The following C14orf132 variants were observed in gnomAD, a reference collection of about 807,000 sequenced individuals.
C14orf132 encodes chromosome 14 open reading frame 132.
A neutral mutation model predicts 5.8 loss-of-function variants in C14orf132; 6 were observed. The observed-to-expected ratio is 1.03, with a 90% CI of 0.57 to 2.04. C14orf132 has a LOEUF of 2.04. Ranked by LOEUF, C14orf132 falls within the 30% of genes most tolerant of loss-of-function variation. C14orf132 has a pLI of 0.00. For missense variants in C14orf132, 125 were observed against 115.8 expected (o/e 1.08, Z -0.37); for synonymous variants, 51 against 49.8 (o/e 1.02, Z -0.10).
chr14:96,082,770 G>A (rs538958036), intron 1 of C14orf132, among the ~76,000 whole-genome samples: 16 of 152,362 alleles, frequency 1.1e-4, no homozygotes, highest in African/African-American at 3.4e-4. Context: ...CTACAAGGAC[G>A]ACAGAGGGAA....
chr14:96,077,797 G>A (rs570293706), intron 1 of C14orf132, among the ~76,000 whole-genome samples: 28 of 152,336 alleles, frequency 1.8e-4, no homozygotes, highest in African/African-American at 6.0e-4. Flanking sequence ...GTTGCATGTC[G>A]TTTGGGTGTG....
intron 1 of C14orf132, among the ~76,000 whole-genome samples, chr14:96,071,705 A>G (rs1421240537): frequency 1.3e-5 from 2 of 152,098 alleles, no homozygotes; most frequent in Non-Finnish European, 2.9e-5. Context: ...GTGCCACTCA[A>G]CCTCGGGAAG....
rs1886638864 is a variant in C14orf132 at position 96,039,867 on chromosome 14, C to T, written c.27+340C>T. On this transcript the variant is annotated intron_variant, in intron 1 of 1. Coordinates refer to ENST00000555004, the MANE Select transcript of C14orf132 (RefSeq NM_001252507.3). The surrounding 1 kb of genome is among the most constrained non-coding windows in gnomAD (Gnocchi z 5.3). The stretch of plus-strand genomic sequence containing the variant: ...CTGTCCCCCTTCTGGGGTCCCGGAG[C>T]CCTCCAAGGCCGGGCCAGCTCAGAC... 6.6e-6 allele frequency among the ~76,000 whole-genome samples: 1 copy of T among 152,116 alleles called. No individual in the cohort carries two copies. Among genetic ancestry groups the T allele is most frequent in the Non-Finnish European group, 1.5e-5 (1 of 67,984 alleles).
intron 1 of C14orf132, among the ~76,000 whole-genome samples, chr14:96,048,616 C>A (rs373830090): frequency 1.3e-5 from 2 of 152,052 alleles, no homozygotes; most frequent in African/African-American, 2.4e-5. Flanking sequence ...TCTCTGCCCC[C>A]CCGGGTTCAA....
intron 1 of C14orf132, among the ~76,000 whole-genome samples, chr14:96,077,381 T>G (rs530765471): frequency 3.2e-4 from 49 of 152,032 alleles, no homozygotes; most frequent in African/African-American, 1.1e-3. Context: ...TAGACATGAG[T>G]GTATTTGGAG....
rs947749766 is a variant in C14orf132, at chr14:96,090,517, G to A, written c.*3782G>A. ...GCTGTAGCCAGGCCTGTCTTAAGAGGACTTGTGCTTCCAGGGACCCAGGCA... is the reference window on the plus strand; with the variant it reads ...GCTGTAGCCAGGCCTGTCTTAAGAGAACTTGTGCTTCCAGGGACCCAGGCA... On this transcript the variant is annotated 3_prime_UTR_variant, in exon 2 of 2. Coordinates refer to ENST00000555004, the MANE Select transcript of C14orf132 (RefSeq NM_001252507.3). The A allele has an allele frequency of 2.3e-6, 1 of 435,940 alleles. No individual in the cohort carries two copies. Among genetic ancestry groups the A allele is most frequent in the African/African-American group, 2.0e-5 (1 of 49,718 alleles). The allele number at this position is 435,940 out of a possible 1,614,324, so 27.0% of individuals were successfully genotyped here.
chr14:96,048,777 C>T (rs71415022), intron 1 of C14orf132, among the ~76,000 whole-genome samples: 8 of 152,096 alleles, frequency 5.3e-5, no homozygotes, highest in East Asian at 1.9e-4. Flanking sequence ...CTGCCTGCCT[C>T]GGCCTCCCAA....
At chr14:96,048,548 G>A (rs1270429846) in intron 1 of C14orf132, among the ~76,000 whole-genome samples, 1 of 151,862 alleles carries the variant, frequency 6.6e-6, no homozygotes, top group African/African-American at 2.4e-5. Context: ...TTTTTGAGAT[G>A]GAGTTTCACT....
At chr14:96,062,665 G>A (rs1370363607) in intron 1 of C14orf132, among the ~76,000 whole-genome samples, 1 of 152,094 alleles carries the variant, frequency 6.6e-6, no homozygotes, top group Non-Finnish European at 1.5e-5. Flanking sequence ...CCACCACTCT[G>A]AGCTGCATCC....
At chr14:96,061,404 T>C (rs565214039) in intron 1 of C14orf132, among the ~76,000 whole-genome samples, 1 of 152,270 alleles carries the variant, frequency 6.6e-6, no homozygotes, top group East Asian at 1.9e-4. Context: ...GCACCCCTTA[T>C]TTTAGTTCAT....
At chr14:96,056,349 C>T (rs542051163) in intron 1 of C14orf132, among the ~76,000 whole-genome samples, 2 of 152,260 alleles carry the variant, frequency 1.3e-5, no homozygotes, top group South Asian at 4.1e-4. Flanking sequence ...TCAGCTGGGC[C>T]TTTTTGGCCT....
intron 1 of C14orf132, among the ~76,000 whole-genome samples, chr14:96,054,077 CT>C (rs1171695081): frequency 2.0e-5 from 3 of 152,182 alleles, no homozygotes; most frequent in Admixed American, 6.5e-5. Flanking sequence ...GGTGGAAGTT[CT>C]GACTCGTCTG....
rs537915612 is a variant in C14orf132, at chr14:96,083,297, G to T, written c.28-3214G>T. Reference sequence around the variant, plus strand: ...TCAAGAGTTCTCTGTCTAATGGGAGGTGGACATCCAGTTATGCACACCATC... The same window carrying T: ...TCAAGAGTTCTCTGTCTAATGGGAGTTGGACATCCAGTTATGCACACCATC... On this transcript the variant is annotated intron_variant, in intron 1 of 1. Transcript: ENST00000555004. Among the ~76,000 whole-genome samples the T allele has an allele frequency of 3.0e-3, 459 of 152,272 alleles. 1 individual carries two copies. The highest frequency in any genetic ancestry group is 4.5e-3 in the Non-Finnish European group (303 of 68,028).
Position 96,091,236 on chromosome 14 carries a change from G to C in C14orf132, c.*4501G>C, listed in dbSNP as rs1888395998. The C allele has an allele frequency of 5.6e-6, 2 of 356,818 alleles. No individual in the cohort carries two copies. Among genetic ancestry groups the C allele is most frequent in the Non-Finnish European group, 1.1e-5 (2 of 182,134 alleles). The allele number at this position is 356,818 out of a possible 1,614,324, so 22.1% of individuals were successfully genotyped here. On this transcript the variant is annotated 3_prime_UTR_variant, in exon 2 of 2. Transcript: ENST00000555004. ...TCGGGATATGAGGCCTCGGAGGCTG[G>C]GGTTGAGATTTGGTCCTGAAGAGCT...
chr14:96,085,033 A>G (rs1192491232), intron 1 of C14orf132, among the ~76,000 whole-genome samples: 1 of 152,192 alleles, frequency 6.6e-6, no homozygotes, highest in Non-Finnish European at 1.5e-5. Context: ...CTGCATGCAG[A>G]GCCGGGAGTG....
intron 1 of C14orf132, among the ~76,000 whole-genome samples, chr14:96,058,093 A>G (rs1830685356): frequency 6.6e-6 from 1 of 152,168 alleles, no homozygotes; most frequent in Non-Finnish European, 1.5e-5. Flanking sequence ...CAGGTGAAGC[A>G]ACTGAGGCTC....
At chr14:96,064,830 T>TA (rs1194284170) in intron 1 of C14orf132, among the ~76,000 whole-genome samples, 1 of 151,818 alleles carries the variant, frequency 6.6e-6, no homozygotes, top group Non-Finnish European at 1.5e-5. Context: ...AAAATAAAAT[T>TA]AAAAAAATTA....
chr14:96,085,556 A>G (rs1888155223), intron 1 of C14orf132, among the ~76,000 whole-genome samples: 1 of 152,244 alleles, frequency 6.6e-6, no homozygotes, highest in African/African-American at 2.4e-5. Context: ...GTTCTGATTC[A>G]TGAATGCAAA....
At chr14:96,048,439 G>A (rs999125514) in intron 1 of C14orf132, among the ~76,000 whole-genome samples, 1 of 152,198 alleles carries the variant, frequency 6.6e-6, no homozygotes, top group Non-Finnish European at 1.5e-5. Context: ...GAATTATTCA[G>A]TATGTAGCTT....
Sources: gnomAD v4.1 joint callset for allele counts (sites outside exome capture counted in the v4.1 genomes callset) on GRCh38, gnomAD v4.1.1 for gene constraint, Gnocchi (gnomAD v3.1) non-coding constraint, MANE v1.5 for transcripts, NCBI Gene and HGNC (gene_info 2026-07-23, HGNC 2026-07-21) for gene names.